Variants in AKAP6 observed in about 807,000 individuals in gnomAD.
AKAP6 encodes the protein A-kinase anchoring protein 6.
In AKAP6, 58 loss-of-function variants were observed where a neutral mutation model predicts 188.5. The observed-to-expected ratio is 0.31, with a 90% CI of 0.25 to 0.38. The LOEUF (loss-of-function observed/expected upper bound fraction) is 0.38. AKAP6 is among the 10% of genes least tolerant of loss of function. The pLI is 1.00. For missense variants in AKAP6, 2,710 were observed against 2,740.0 expected (o/e 0.99, Z 0.24); for synonymous variants, 989 against 998.6 (o/e 0.99, Z 0.18).
chr14:32,560,702 GT>G (rs1452459136), intron 4 of AKAP6, among the ~76,000 whole-genome samples: 9 of 152,012 alleles, frequency 5.9e-5, no homozygotes, highest in Admixed American at 5.9e-4. Context: ...TCAACATTGC[GT>G]TTTTATTATT....
At chr14:32,590,999 T>C (rs1413091830) in intron 5 of AKAP6, among the ~76,000 whole-genome samples, 1 of 152,114 alleles carries the variant, frequency 6.6e-6, no homozygotes, top group Non-Finnish European at 1.5e-5. Flanking sequence ...GGAACTGGAG[T>C]CCTTCAGGGA....
In AKAP6 at chr14:32,833,845, T is replaced by C. The variant is rs1265401768; in HGVS notation, c.*4040T>C. ...TACATATTCTTTTTTCAATTTTCAT[T>C]TTGAAAAAATTCAGACCTATGTAAA... On this transcript the variant is annotated 3_prime_UTR_variant, in exon 14 of 14. Coordinates refer to ENST00000280979, the MANE Select transcript of AKAP6 (RefSeq NM_004274.5). The C allele has an allele frequency of 6.6e-6, 1 of 152,220 alleles. No individual in the cohort carries two copies. The highest frequency in any genetic ancestry group is 2.4e-5 in the African/African-American group (1 of 41,450). 9.4% of individuals were successfully genotyped at this position (152,220 alleles called of 1,614,324 possible).
At chr14:32,417,286 A>G (rs917316394) in intron 1 of AKAP6, among the ~76,000 whole-genome samples, 1 of 152,218 alleles carries the variant, frequency 6.6e-6, no homozygotes, top group African/African-American at 2.4e-5. Flanking sequence ...GCCTTGTTAT[A>G]TTTAAATATA....
chr14:32,762,471 T>G (rs990246539), intron 11 of AKAP6, among the ~76,000 whole-genome samples: 14 of 152,068 alleles, frequency 9.2e-5, no homozygotes, highest in Non-Finnish European at 1.6e-4. Context: ...ACAAACATAT[T>G]TAAAAGTATG....
At position 32,822,459 on chromosome 14, in the gene AKAP6, C is replaced by T. The variant is rs1341116147; in HGVS notation, c.4646C>T (p.Thr1549Ile). The T allele has an allele frequency of 1.2e-6, 2 of 1,613,910 alleles. No homozygotes were observed. The highest frequency in any genetic ancestry group is 1.7e-6 in the Non-Finnish European group (2 of 1,179,956). ...TATAAAAGTGGCAATATAGAAAAGA[C>T]ATTCACTGGCATGCAGAATGCCAAA... ...ISYKSGNIEK[T>I]FTGMQNAKQL... The change falls in exon 13 of 14, where the codon ACA becomes ATA. Residue 1549 changes from threonine to isoleucine, a missense_variant. This residue lies in a region of AKAP6 where 2,473 missense variants were observed against 2,426.1 expected (regional missense o/e 1.02). Transcript: ENST00000280979.
intron 11 of AKAP6, among the ~76,000 whole-genome samples, chr14:32,754,086 A>G (rs1043302957): frequency 1.3e-5 from 2 of 151,966 alleles, no homozygotes; most frequent in South Asian, 2.1e-4. Flanking sequence ...TGATCTGTCC[A>G]TTATTGAAAG....
intron 12 of AKAP6, among the ~76,000 whole-genome samples, chr14:32,793,076 C>G (rs2033657947): frequency 6.6e-6 from 1 of 152,166 alleles, no homozygotes; most frequent in Admixed American, 6.5e-5. Flanking sequence ...CAAAAACACA[C>G]TGAAGTACAC....
At position 32,496,690 on chromosome 14, in the gene AKAP6, C is replaced by G. The variant is rs539579740; in HGVS notation, c.325-38864C>G. ...CTAACATATTGTTAATGTATTGCAGCCTCAGGAATTATTAGCTTGAACCAT... is the reference window on the plus strand; with the variant it reads ...CTAACATATTGTTAATGTATTGCAGGCTCAGGAATTATTAGCTTGAACCAT... On this transcript the variant is annotated intron_variant, in intron 2 of 13. Coordinates refer to ENST00000280979, the MANE Select transcript of AKAP6 (RefSeq NM_004274.5). 1.4e-4 allele frequency among the ~76,000 whole-genome samples: 21 copies of G among 152,082 alleles called. 1 individual carries two copies. The South Asian group carries it at 4.4e-3, about 32-fold the overall frequency.
chr14:32,376,622 T>C (rs1888164923), intron 1 of AKAP6, among the ~76,000 whole-genome samples: 1 of 152,230 alleles, frequency 6.6e-6, no homozygotes, highest in South Asian at 2.1e-4. Context: ...AAAAGAACTA[T>C]CTGTTTCAAA....
chr14:32,425,666 G>C (rs1377813430), intron 1 of AKAP6, among the ~76,000 whole-genome samples: 1 of 151,844 alleles, frequency 6.6e-6, no homozygotes, highest in African/African-American at 2.4e-5. Flanking sequence ...GAAGGAAGCT[G>C]TTCATATCCT....
At position 32,462,901 on chromosome 14, in the gene AKAP6, C is replaced by CAAAAAA. The variant is rs71143943; in HGVS notation, c.324+29104_324+29109dup. ...GAATATTTACCAAGCAAATGGAAAG[C>CAAAAAA]AAAAAAAAAAAAAAAAAAAAAAAAA... On this transcript the variant is annotated intron_variant, in intron 2 of 13. Transcript: ENST00000280979. 4.5e-3 allele frequency among the ~76,000 whole-genome samples: 40 copies of CAAAAAA among 8,830 alleles called. 1 individual carries two copies. The highest frequency in any genetic ancestry group is 8.9e-3 in the African/African-American group (20 of 2,242). The allele number at this position is 8,830 out of a possible 152,430, so 5.8% of individuals were successfully genotyped here.
chr14:32,786,483 T>G (rs2033424247), intron 12 of AKAP6, among the ~76,000 whole-genome samples: 1 of 104,008 alleles, frequency 9.6e-6, no homozygotes, highest in Non-Finnish European at 2.2e-5. Context: ...AATTATTTTA[T>G]TTTATTTTAT....
intron 2 of AKAP6, among the ~76,000 whole-genome samples, chr14:32,463,489 C>G (rs1217611653): frequency 5.3e-5 from 8 of 152,140 alleles, no homozygotes; most frequent in African/African-American, 2.4e-5. Flanking sequence ...ACAACCTGCT[C>G]CTGAATGTTT....
At chr14:32,703,939 C>T (rs72669812) in intron 9 of AKAP6, among the ~76,000 whole-genome samples, 15,601 of 152,174 alleles carry the variant, frequency 0.1, 1,089 homozygotes, top group East Asian at 0.36. Flanking sequence ...AAAGTATCAT[C>T]ATTTCTTGTT....
intron 2 of AKAP6, among the ~76,000 whole-genome samples, chr14:32,459,479 C>A (rs1891252337): frequency 6.6e-6 from 1 of 151,632 alleles, no homozygotes; most frequent in Non-Finnish European, 1.5e-5. Context: ...TAATAGAAAT[C>A]TCAAAGAAAG....
intron 7 of AKAP6, among the ~76,000 whole-genome samples, chr14:32,605,738 G>T (rs1192316800): frequency 6.6e-6 from 1 of 152,080 alleles, no homozygotes; most frequent in African/African-American, 2.4e-5. Flanking sequence ...TGTACAAATT[G>T]TGCCATGAAA....
intron 12 of AKAP6, among the ~76,000 whole-genome samples, chr14:32,791,248 T>G (rs1348790068): frequency 6.6e-6 from 1 of 152,200 alleles, no homozygotes; most frequent in African/African-American, 2.4e-5. Flanking sequence ...TATAAAAGCG[T>G]TCCTATTTCT....
intron 2 of AKAP6, among the ~76,000 whole-genome samples, chr14:32,472,004 A>C (rs1566524000): frequency 1.3e-5 from 2 of 152,192 alleles, no homozygotes; most frequent in Admixed American, 6.5e-5. Context: ...GAGAGGTTTG[A>C]GAATTTACTT....
At chr14:32,572,043 C>T (rs771560509) in intron 4 of AKAP6, among the ~76,000 whole-genome samples, 4 of 152,162 alleles carry the variant, frequency 2.6e-5, no homozygotes, top group African/African-American at 2.4e-5. Context: ...TAGGACTCAG[C>T]GAATTCTATC....
Sources: gnomAD v4.1 joint callset for allele counts (sites outside exome capture counted in the v4.1 genomes callset) on GRCh38, gnomAD v4.1.1 for gene constraint, gnomAD v4.1.1 regional missense constraint, MANE v1.5 for transcripts, NCBI Gene and HGNC (gene_info 2026-07-23, HGNC 2026-07-21) for gene names.